Variants in G3BP1 observed in about 807,000 individuals in gnomAD.
G3BP1 encodes the protein G3BP stress granule assembly factor 1, also known as ras GTPase-activating protein-binding protein 1.
In G3BP1, 35 loss-of-function variants were observed where a neutral mutation model predicts 58.6. The ratio of observed to expected loss-of-function variants is 0.60; its 90% CI spans 0.46 to 0.79. The LOEUF (loss-of-function observed/expected upper bound fraction) is 0.79, where lower values mean the gene tolerates loss of function less well. G3BP1 is among the 30% of genes least tolerant of loss of function. The probability of loss-of-function intolerance (pLI) is 0.00; values close to 1 mark genes in which losing one functional copy is unlikely to be tolerated. For synonymous variants in G3BP1, 191 were observed against 195.4 expected (o/e 0.98, Z 0.19); for missense variants, 523 against 580.8 (o/e 0.90, Z 1.02).
chr5:151,802,816 C>T (rs139584561), intron 11 of G3BP1, among the ~76,000 whole-genome samples: 198 of 152,282 alleles, frequency 1.3e-3, no homozygotes, highest in African/African-American at 4.5e-3. Flanking sequence ...GCCTGTAGTC[C>T]CAGCTACTCG....
chr5:151,791,148 G>C lies in G3BP1; in HGVS notation c.351+86G>C. 4.4e-6 allele frequency: 5 copies of C among 1,141,860 alleles called. No individual in the cohort carries two copies. In the South Asian group the frequency reaches 6.2e-5, roughly 14 times the overall value. 70.7% of individuals were successfully genotyped at this position (1,141,860 alleles called of 1,614,324 possible). On this transcript the variant is annotated intron_variant, in intron 4 of 11. Coordinates refer to ENST00000356245, the MANE Select transcript of G3BP1 (RefSeq NM_005754.3). ...GTTGTGCATATCTTTAAAAACACTT[G>C]AAATTTCAGACTTACAGAAAACTTG...
rs922246905 is a variant in G3BP1, at chr5:151,801,652, T to G, written c.1194+783T>G. 2.0e-5 allele frequency among the ~76,000 whole-genome samples: 3 copies of G among 152,154 alleles called. No homozygotes were observed. In the South Asian group the frequency reaches 6.2e-4, roughly 32 times the overall value. On this transcript the variant is annotated intron_variant, in intron 11 of 11. Transcript: ENST00000356245. ...TAAAAGCCATAAGCTCTTTACTCAC[T>G]AAGCAGTCATTCCTTGTACCTGTCT...
At chr5:151,778,512 G>C (rs144704479) in intron 1 of G3BP1, among the ~76,000 whole-genome samples, 199 of 152,152 alleles carry the variant, frequency 1.3e-3, no homozygotes, top group Middle Eastern at 0.01. Context: ...CGCCATCTCT[G>C]CTCACTACAA....
At chr5:151,781,946 T>C (rs1360179182) in intron 1 of G3BP1, among the ~76,000 whole-genome samples, 1 of 152,132 alleles carries the variant, frequency 6.6e-6, no homozygotes, top group African/African-American at 2.4e-5. Context: ...AAGGCTCAAC[T>C]GTAGTTCATC....
intron 1 of G3BP1, among the ~76,000 whole-genome samples, chr5:151,785,730 T>C (rs142063176): frequency 1.8e-4 from 27 of 152,330 alleles, no homozygotes; most frequent in African/African-American, 6.5e-4. Context: ...AAACATCTTG[T>C]TTGTTAACTT....
chr5:151,804,737 T>G lies in G3BP1; in HGVS notation c.*646T>G, dbSNP rs1043923276. ...ACCATTGAAATTTAAATTGTGATAA[T>G]AGGTTTTAAATGTCTAGAATGCAAC... On this transcript the variant is annotated 3_prime_UTR_variant, in exon 12 of 12. Coordinates refer to ENST00000356245, the MANE Select transcript of G3BP1 (RefSeq NM_005754.3). 2.0e-5 allele frequency: 3 copies of G among 152,654 alleles called. No homozygotes were observed. Among genetic ancestry groups the G allele is most frequent in the African/African-American group, 7.2e-5 (3 of 41,468 alleles). 9.5% of individuals were successfully genotyped at this position (152,654 alleles called of 1,614,324 possible).
chr5:151,799,962 A>C lies in G3BP1; in HGVS notation c.917A>C (p.Gln306Pro), dbSNP rs1470750261. The C allele has an allele frequency of 3.1e-6, 5 of 1,612,874 alleles. No homozygotes were observed. The highest frequency in any genetic ancestry group is 3.4e-6 in the Non-Finnish European group (4 of 1,178,846). ...RPQRDQRVRE[Q>P]RINIPPQRGP... ...CAGCGGGATCAAAGAGTGCGAGAACAACGAATAAATATTCCTCCCCAAAGG... is the reference window on the plus strand; with the variant it reads ...CAGCGGGATCAAAGAGTGCGAGAACCACGAATAAATATTCCTCCCCAAAGG... The change falls in exon 9 of 12, where the codon CAA becomes CCA. Residue 306 changes from glutamine (Q) to proline (P), a missense_variant. By Grantham distance (76) the Gln-to-Pro change is moderately conservative (BLOSUM62 -1). Around this residue, in one of 2 missense-constraint regions of G3BP1, gnomAD observed 398 missense variants for 399.1 expected, o/e 1.00. Transcript: ENST00000356245.
chr5:151,777,913 ATACAT>A (rs1440852450), intron 1 of G3BP1, among the ~76,000 whole-genome samples: 1 of 147,570 alleles, frequency 6.8e-6, no homozygotes, highest in Non-Finnish European at 1.5e-5. Flanking sequence ...TTTTTTGTAA[ATACAT>A]TATGTTCTTT....
At position 151,799,896 on chromosome 5, in the gene G3BP1, C is replaced by T. The variant is rs1762820709; in HGVS notation, c.851C>T (p.Pro284Leu). ...VVKVPASQPRPESKPESQIPP... is the reference protein window; with the variant it reads ...VVKVPASQPRLESKPESQIPP... ...TAACTTAAAATTTTTCAGCCCCGTC[C>T]AGAGTCTAAGCCTGAATCTCAGATT... The change falls in exon 9 of 12, where the codon CCA (proline) becomes CTA (leucine). Residue 284 changes from proline (P) to leucine (L), a missense_variant. This residue lies in a region of G3BP1 where 398 missense variants were observed against 399.1 expected (regional missense o/e 1.00). Transcript: ENST00000356245. 1.2e-6 allele frequency: 2 copies of T among 1,602,340 alleles called. No homozygotes were observed. The highest frequency in any genetic ancestry group is 1.3e-5 in the African/African-American group (1 of 74,700).
At chr5:151,795,361 C>T (rs140422762) in intron 5 of G3BP1, 118 bp from the exon 6 acceptor site, 17 of 626,218 alleles carry the variant, frequency 2.7e-5, no homozygotes, top group Non-Finnish European at 4.6e-5. Context: ...ACCAAATTGT[C>T]CTACTTTGTT....
Position 151,797,269 on chromosome 5 carries a change from A to G in G3BP1, c.582A>G (p.Pro194=), listed in dbSNP as rs768674886. The part of the protein sequence containing the change: ...EEHLEEPVAE[P]EPDPEPEPEQ... Reference sequence around the variant, plus strand: ...ATTTAGAGGAGCCTGTTGCTGAACCAGAGCCTGATCCTGAACCAGAACCAG... The same window carrying G: ...ATTTAGAGGAGCCTGTTGCTGAACCGGAGCCTGATCCTGAACCAGAACCAG... Residue 194 remains proline (P), a synonymous_variant, in exon 7 of 12, where the codon CCA becomes CCG. Transcript: ENST00000356245. The G allele has an allele frequency of 3.7e-6, 6 of 1,613,110 alleles. No homozygotes were observed. Among genetic ancestry groups the G allele is most frequent in the East Asian group, 2.2e-5 (1 of 44,872 alleles).
intron 11 of G3BP1, among the ~76,000 whole-genome samples, chr5:151,803,265 T>C (rs544943743): frequency 6.6e-6 from 1 of 152,352 alleles, no homozygotes; most frequent in South Asian, 2.1e-4. Flanking sequence ...ATTCTAAGCC[T>C]CCAAATCTAT....
At chr5:151,795,395 T>A (rs567661503) in intron 5 of G3BP1, 84 bp from the exon 6 acceptor site, 127 of 716,300 alleles carry the variant, frequency 1.8e-4, no homozygotes, top group East Asian at 7.9e-4. Context: ...TTTTCTTCAC[T>A]GTTGTTTTGT....
At chr5:151,777,198 T>C (rs1762387148) in intron 1 of G3BP1, among the ~76,000 whole-genome samples, 1 of 152,220 alleles carries the variant, frequency 6.6e-6, no homozygotes. Context: ...ACTCCAGTTC[T>C]GGGAAAAGAT....
intron 6 of G3BP1, among the ~76,000 whole-genome samples, chr5:151,795,975 A>C (rs1306591393): frequency 2.0e-5 from 3 of 152,244 alleles, no homozygotes; most frequent in African/African-American, 7.2e-5. Flanking sequence ...ATGTGAGTTA[A>C]GTAGCAATAA....
In G3BP1 at chr5:151,786,595, C is replaced by T. The variant is rs1259741756; in HGVS notation, c.-26C>T. 28 of 1,470,814 alleles carry T rather than the reference C, an allele frequency of 1.9e-5. No homozygotes were observed. The East Asian group carries it at 2.0e-4, about 11-fold the overall frequency. 91.1% of individuals were successfully genotyped at this position (1,470,814 alleles called of 1,614,324 possible). A position where few individuals can be genotyped will look rare whatever the true frequency, so the allele number is the denominator to read the frequency against. On this transcript the variant is annotated 5_prime_UTR_variant, in exon 2 of 12. Coordinates refer to ENST00000356245, the MANE Select transcript of G3BP1 (RefSeq NM_005754.3). ...AGGTTTGGACATATTTGACTCTTTT[C>T]CCCCCAGGTTGAATTGACCAAAGCA...
chr5:151,776,966 G>GT (rs1205456112), intron 1 of G3BP1, among the ~76,000 whole-genome samples: 3 of 145,110 alleles, frequency 2.1e-5, no homozygotes, highest in Non-Finnish European at 4.5e-5. Context: ...TTAAAAGCAT[G>GT]TTTTTTCTTT....
intron 1 of G3BP1, among the ~76,000 whole-genome samples, chr5:151,778,230 TC>T (rs1482655684): frequency 6.6e-6 from 1 of 152,206 alleles, no homozygotes; most frequent in African/African-American, 2.4e-5. Context: ...TTTGGGGGGT[TC>T]CAGTTCTGCC....
intron 1 of G3BP1, among the ~76,000 whole-genome samples, chr5:151,776,875 TTTG>T (rs1762380361): frequency 6.6e-6 from 1 of 151,762 alleles, no homozygotes; most frequent in Non-Finnish European, 1.5e-5. Flanking sequence ...CACAGTTTAT[TTTG>T]TTGTTCATGT....
Sources: gnomAD v4.1 joint callset for allele counts (sites outside exome capture counted in the v4.1 genomes callset) on GRCh38, gnomAD v4.1.1 for gene constraint, gnomAD v4.1.1 regional missense constraint, MANE v1.5 for transcripts, NCBI Gene and HGNC (gene_info 2026-07-23, HGNC 2026-07-21) for gene names.